Variants in AGAP6 observed in about 807,000 individuals in gnomAD.
AGAP6 encodes the protein ArfGAP with GTPase domain, ankyrin repeat and PH domain 6.
Under a neutral mutation model 63.9 loss-of-function variants are expected in AGAP6, and 29 were observed. The ratio of observed to expected loss-of-function variants is 0.45; its 90% CI spans 0.34 to 0.62. The LOEUF is 0.62. AGAP6 is among the 20% of genes least tolerant of loss of function. AGAP6 has a pLI of 0.01. For missense variants in AGAP6, 493 were observed against 884.9 expected (o/e 0.56, Z 5.62); for synonymous variants, 199 against 332.9 (o/e 0.60, Z 4.38).
In AGAP6 at chr10:50,010,026, A is replaced by G. The variant is rs782522380; in HGVS notation, c.1901A>G (p.Lys634Arg). The G allele has an allele frequency of 1.2e-6, 2 of 1,611,174 alleles. No individual in the cohort carries two copies. The highest frequency in any genetic ancestry group is 1.7e-6 in the Non-Finnish European group (2 of 1,179,716). ...ACGGCGCTCCATCTGGCCTGCCGCA[A>G]GGGGAATGTGGTCCTGGCGCAGCTC... Reference protein sequence around the residue: ...GCTALHLACRKGNVVLAQLLI... With the variant: ...GCTALHLACRRGNVVLAQLLI... Residue 634 changes from lysine to arginine, a missense_variant, in exon 8 of 8, where the codon AAG (lysine) becomes AGG (arginine). This residue lies in a region of AGAP6 where 34 missense variants were observed against 82.7 expected (regional missense o/e 0.41). Coordinates refer to ENST00000412531, the MANE Select transcript of AGAP6 (RefSeq NM_001077665.3).
intron 2 of AGAP6, among the ~76,000 whole-genome samples, chr10:49,989,863 G>T (rs1262744229): frequency 2.0e-5 from 3 of 152,256 alleles, no homozygotes; most frequent in African/African-American, 7.2e-5. Context: ...TTACCTATGA[G>T]GCTCTGATTA....
Position 50,001,896 on chromosome 10 carries a change from A to T in AGAP6, c.397-100A>T, listed in dbSNP as rs555443155. On this transcript the variant is annotated intron_variant, in intron 4 of 7. Coordinates refer to ENST00000412531, the MANE Select transcript of AGAP6 (RefSeq NM_001077665.3). ...ACATGATACCACACTCAGGCAGTTCATGGAGTGTAAGACATATCTTAGTGC... is the reference window on the plus strand; with the variant it reads ...ACATGATACCACACTCAGGCAGTTCTTGGAGTGTAAGACATATCTTAGTGC... 8.2e-6 allele frequency: 10 copies of T among 1,215,272 alleles called. No homozygotes were observed. In the South Asian group the frequency reaches 1.4e-4, roughly 17 times the overall value. 75.3% of individuals were successfully genotyped at this position (1,215,272 alleles called of 1,614,324 possible). A position where few individuals can be genotyped will look rare whatever the true frequency, so the allele number is the denominator to read the frequency against.
At position 50,002,010 on chromosome 10, in the gene AGAP6, T is replaced by C; in HGVS notation, c.411T>C (p.Arg137=). ...SNCTNHVSAV[R]FSQQYSLCST... is the part of the protein sequence containing the mutation. ...TTCCCCTTCAGGTATCTGCTGTGCG[T>C]TTCAGTCAACAATACAGCTTGTGTT... The change falls in exon 5 of 8, where the codon CGT becomes CGC. Residue 137 remains arginine (R), a synonymous_variant. Transcript: ENST00000412531. 6.2e-7 allele frequency: 1 copy of C among 1,612,944 alleles called. No individual in the cohort carries two copies. The highest frequency in any genetic ancestry group is 8.5e-7 in the Non-Finnish European group (1 of 1,179,988).
At chr10:50,004,521 AAAAC>A (rs1238983127) in intron 5 of AGAP6, among the ~76,000 whole-genome samples, 160 bp from the exon 6 acceptor site, 1 of 143,152 alleles carries the variant, frequency 7.0e-6, no homozygotes, top group African/African-American at 2.6e-5. Flanking sequence ...ATTTTTGTAA[AAAAC>A]AAAGAAATGA....
chr10:50,007,244 T>C (rs1482281083), intron 6 of AGAP6, among the ~76,000 whole-genome samples: 3 of 141,994 alleles, frequency 2.1e-5, no homozygotes, highest in Non-Finnish European at 4.6e-5. Flanking sequence ...ATACAAAACT[T>C]AGCCAGGAGT....
chr10:50,007,873 A>G, intron 6 of AGAP6, 152 bp from the exon 7 acceptor site: 1 of 1,432,738 alleles, frequency 7.0e-7, no homozygotes, highest in Non-Finnish European at 9.5e-7. Flanking sequence ...GAAGTCAGGA[A>G]ACCCTCTGCA....
At chr10:50,003,624 A>G (rs1841794285) in intron 5 of AGAP6, among the ~76,000 whole-genome samples, 1 of 152,182 alleles carries the variant, frequency 6.6e-6, no homozygotes, top group Non-Finnish European at 1.5e-5. Context: ...CATACCCAAT[A>G]CTAATTAAAT....
rs782162840 is a variant in AGAP6, at chr10:50,008,959, C to T, written c.834C>T (p.Ser278=). 20 of 1,613,856 alleles carry T rather than the reference C, an allele frequency of 1.2e-5. No individual in the cohort carries two copies. Among genetic ancestry groups the T allele is most frequent in the East Asian group, 2.2e-5 (1 of 44,876 alleles). ...APENHADTIG[S]GRAIPIKQGM... ...AGAATCATGCTGACACCATCGGGAG[C>T]GGTAGAGCCATCCCCATTAAACAGG... Residue 278 remains serine, a synonymous_variant, in exon 8 of 8, where the codon AGC becomes AGT. Transcript: ENST00000412531.
Position 49,988,613 on chromosome 10 carries a change from A to G in AGAP6, c.-103A>G. 6.4e-7 allele frequency: 1 copy of G among 1,554,946 alleles called. No individual in the cohort carries two copies. The highest frequency in any genetic ancestry group is 1.9e-5 in the Admixed American group (1 of 52,732). On this transcript the variant is annotated 5_prime_UTR_variant, in exon 1 of 8. Coordinates refer to ENST00000412531, the MANE Select transcript of AGAP6 (RefSeq NM_001077665.3). ...AGGTGGGCAGGCGAGGAGCGGGAAG[A>G]CCATCTCTGCAAGTGCAGCATAGCC... is the stretch of plus-strand genomic sequence containing the variant.
chr10:49,996,335 G>A (rs1841485442), intron 4 of AGAP6, among the ~76,000 whole-genome samples: 2 of 151,954 alleles, frequency 1.3e-5, no homozygotes, highest in South Asian at 4.1e-4. Flanking sequence ...TCCTTCCAAT[G>A]TGTGGTGGTC....
intron 4 of AGAP6, among the ~76,000 whole-genome samples, chr10:50,001,057 G>A (rs1206092778): frequency 2.4e-4 from 37 of 152,268 alleles, no homozygotes; most frequent in Non-Finnish European, 3.7e-4. Flanking sequence ...AGGGCTGGGC[G>A]CCGTGGCTTA....
rs1169630502 is a variant in AGAP6, at chr10:50,009,859, C to T, written c.1734C>T (p.Ala578=). The part of the protein sequence containing the change: ...RSKYEEKLFL[A]PLPCTELSLG... ...AATATGAGGAGAAGCTCTTTCTGGC[C>T]CCACTACCCTGCACTGAGCTGTCCC... Residue 578 remains alanine (A), a synonymous_variant, in exon 8 of 8, where the codon GCC becomes GCT. Coordinates refer to ENST00000412531, the MANE Select transcript of AGAP6 (RefSeq NM_001077665.3). 9 of 1,610,982 alleles carry T rather than the reference C, an allele frequency of 5.6e-6. No homozygotes were observed. The highest frequency in any genetic ancestry group is 5.9e-6 in the Non-Finnish European group (7 of 1,179,536).
At chr10:49,993,361 A>G (rs1326456979) in intron 3 of AGAP6, among the ~76,000 whole-genome samples, 1 of 152,208 alleles carries the variant, frequency 6.6e-6, no homozygotes, top group Non-Finnish European at 1.5e-5. Flanking sequence ...GCTTTTGCCT[A>G]CAAGGCCCTT....
Position 49,988,942 on chromosome 10 carries a change from A to G in AGAP6, c.223+4A>G, listed in dbSNP as rs782778985. ...CGTGACCGGGAGATGCCTGAAGGTG[A>G]GGAGGTGATAGGTGCCATCTACCCT... On this transcript the variant is annotated splice_donor_region_variant and intron_variant, in intron 1 of 7. Coordinates refer to ENST00000412531, the MANE Select transcript of AGAP6 (RefSeq NM_001077665.3). The G allele has an allele frequency of 6.9e-6, 11 of 1,601,152 alleles. No homozygotes were observed. Among genetic ancestry groups the G allele is most frequent in the Admixed American group, 6.7e-5 (4 of 59,888 alleles).
rs1842037322 is a variant in AGAP6, at chr10:50,009,652, T to C, written c.1527T>C (p.Leu509=). The C allele has an allele frequency of 6.2e-7, 1 of 1,614,246 alleles. No homozygotes were observed. Reference sequence around the variant, plus strand: ...AATGCTCAGGTATCCACCGCAGTCTTGGCCCCCACCTTTCCCGTGTGCGAT... The same window carrying C: ...AATGCTCAGGTATCCACCGCAGTCTCGGCCCCCACCTTTCCCGTGTGCGAT... ...CIECSGIHRS[L]GPHLSRVRSL... Residue 509 remains leucine (L), a synonymous_variant, in exon 8 of 8, where the codon CTT becomes CTC. Coordinates refer to ENST00000412531, the MANE Select transcript of AGAP6 (RefSeq NM_001077665.3).
chr10:49,992,087 G>A (rs1195470078), intron 3 of AGAP6, among the ~76,000 whole-genome samples: 4 of 151,060 alleles, frequency 2.6e-5, no homozygotes, highest in Non-Finnish European at 4.4e-5. Context: ...GCTCCAAAAA[G>A]TACACTTTAA....
Position 50,009,279 on chromosome 10 carries a change from C to T in AGAP6, c.1154C>T (p.Thr385Ile). 5 of 1,614,178 alleles carry T rather than the reference C, an allele frequency of 3.1e-6. No homozygotes were observed. Among genetic ancestry groups the T allele is most frequent in the Non-Finnish European group, 4.2e-6 (5 of 1,180,024 alleles). ...ICFSPSISST[T>I]SPKLNPPPSP... ...TTCAGCCCCAGTATCTCCAGCACCA[C>T]CAGCCCCAAGCTCAACCCGCCCCCC... Residue 385 changes from threonine to isoleucine, a missense_variant, in exon 8 of 8, where the codon ACC becomes ATC. Transcript: ENST00000412531.
rs1842018315 is a variant in AGAP6 at position 50,009,094 on chromosome 10, G to C, written c.969G>C (p.Met323Ile). Residue 323 changes from methionine to isoleucine, a missense_variant, in exon 8 of 8, where the codon ATG becomes ATC. Physicochemically the swap from Met to Ile is conservative, Grantham distance 10. This residue lies in a region of AGAP6 where 342 missense variants were observed against 533.4 expected (regional missense o/e 0.64). Transcript: ENST00000412531. Reference protein sequence around the residue: ...LTYYSSLGDYMKNIHKKEIDL... With the variant: ...LTYYSSLGDYIKNIHKKEIDL... ...ATTATTCAAGCTTAGGTGATTATAT[G>C]AAGAATATTCATAAAAAAGAGATTG... is the stretch of plus-strand genomic sequence containing the variant. 6.2e-7 allele frequency: 1 copy of C among 1,613,528 alleles called. No homozygotes were observed. Among genetic ancestry groups the C allele is most frequent in the African/African-American group, 1.3e-5 (1 of 74,906 alleles).
At chr10:49,997,225 C>T (rs1841524286) in intron 4 of AGAP6, among the ~76,000 whole-genome samples, 2 of 151,752 alleles carry the variant, frequency 1.3e-5, no homozygotes, top group Admixed American at 1.3e-4. Context: ...TACTTCACAA[C>T]ATAGATGGAG....
Sources: gnomAD v4.1 joint callset for allele counts (sites outside exome capture counted in the v4.1 genomes callset) on GRCh38, gnomAD v4.1.1 for gene constraint, gnomAD v4.1.1 regional missense constraint, MANE v1.5 for transcripts, NCBI Gene and HGNC (gene_info 2026-07-23, HGNC 2026-07-21) for gene names.